The following SPNS2 variants were observed in gnomAD, a reference collection of about 807,000 sequenced individuals.
SPNS2 encodes SPNS lysolipid transporter 2, sphingosine-1-phosphate, also known as sphingosine-1-phosphate transporter SPNS2.
SPNS2 carries 37 observed loss-of-function variants against 57.6 expected under a neutral mutation model. The ratio of observed to expected loss-of-function variants is 0.64; its 90% CI spans 0.49 to 0.85. SPNS2 has a LOEUF of 0.85. Ranked by LOEUF, SPNS2 falls within the 40% of genes least tolerant of loss-of-function variation. The pLI is 0.00. For synonymous variants in SPNS2, 440 were observed against 346.9 expected (o/e 1.27, Z -2.98); for missense variants, 831 against 779.1 (o/e 1.07, Z -0.79).
In SPNS2 at chr17:4,533,445, G is replaced by A. The variant is rs761203946; in HGVS notation, c.1278+13G>A. 1 of 1,580,598 alleles carries A rather than the reference G, an allele frequency of 6.3e-7. No homozygotes were observed. The highest frequency in any genetic ancestry group is 1.1e-5 in the South Asian group (1 of 87,974). On this transcript the variant is annotated intron_variant, in intron 8 of 12. Coordinates refer to ENST00000329078, the MANE Select transcript of SPNS2 (RefSeq NM_001124758.3). Reference sequence around the variant, plus strand: ...CGTAGGAGCCTATGTGAGTGCAGCGGGGGTCAAGGGTGCTGGGGGAGCTGG... The same window carrying A: ...CGTAGGAGCCTATGTGAGTGCAGCGAGGGTCAAGGGTGCTGGGGGAGCTGG...
At chr17:4,537,237 TCTG>T (rs1905893246) in intron 12 of SPNS2, among the ~76,000 whole-genome samples, 1 of 152,212 alleles carries the variant, frequency 6.6e-6, no homozygotes, top group Admixed American at 6.5e-5. Flanking sequence ...TGTCCGGACT[TCTG>T]TTCTCCCAAA....
chr17:4,535,734 A>C (rs1264328836), intron 9 of SPNS2, among the ~76,000 whole-genome samples: 2 of 152,056 alleles, frequency 1.3e-5, no homozygotes, highest in African/African-American at 2.4e-5. Flanking sequence ...CTGGGGGCAC[A>C]GCAGGTTTGA....
chr17:4,524,698 A>G (rs1905221294), intron 2 of SPNS2, among the ~76,000 whole-genome samples: 1 of 152,260 alleles, frequency 6.6e-6, no homozygotes. Context: ...CAATAAAAAT[A>G]AAATTTTAAA....
At chr17:4,524,173 C>T (rs964873544) in intron 2 of SPNS2, among the ~76,000 whole-genome samples, 3 of 151,810 alleles carry the variant, frequency 2.0e-5, no homozygotes, top group Non-Finnish European at 4.4e-5. Flanking sequence ...TAGATCTCTT[C>T]CCCTCTCTGA....
rs553003340 is a variant in SPNS2 at position 4,499,873 on chromosome 17, C to T, written c.370+456C>T. On this transcript the variant is annotated intron_variant, in intron 1 of 12. Transcript: ENST00000329078. The surrounding 1 kb of genome is among the most constrained non-coding windows in gnomAD (Gnocchi z 5.2). ...TTCCTTTCTCCGCCGCCTCCACCCC[C>T]CTGCGTGCGTGCGGCGAGTGCGCGC... 5.3e-5 allele frequency among the ~76,000 whole-genome samples: 8 copies of T among 152,214 alleles called. No homozygotes were observed. Among genetic ancestry groups the T allele is most frequent in the African/African-American group, 1.7e-4 (7 of 41,464 alleles).
chr17:4,538,715 T>G lies in SPNS2; in HGVS notation c.*1267T>G. 1.6e-6 allele frequency: 1 copy of G among 634,240 alleles called. No individual in the cohort carries two copies. Among genetic ancestry groups the G allele is most frequent in the Non-Finnish European group, 2.8e-6 (1 of 356,856 alleles). 39.3% of individuals were successfully genotyped at this position (634,240 alleles called of 1,614,324 possible). On this transcript the variant is annotated 3_prime_UTR_variant, in exon 13 of 13. Coordinates refer to ENST00000329078, the MANE Select transcript of SPNS2 (RefSeq NM_001124758.3). ...AATGCTCTTCTTGCCCCTTAGTTAC[T>G]GGCTGGCTGTGGCTTCAGTGGTGTG... is the stretch of plus-strand genomic sequence containing the variant.
chr17:4,537,078 CTGAAGA>C (rs1412490426), intron 12 of SPNS2, 132 bp downstream of exon 12: 66 of 1,019,702 alleles, frequency 6.5e-5, no homozygotes, highest in Non-Finnish European at 8.5e-5. Flanking sequence ...GGCTTTGTCT[CTGAAGA>C]TGTTGCCAGA....
chr17:4,535,552 C>T (rs984178969), intron 9 of SPNS2, among the ~76,000 whole-genome samples: 8 of 152,180 alleles, frequency 5.3e-5, no homozygotes, highest in Admixed American at 1.3e-4. Context: ...GAGCAGGAGC[C>T]GCGCTGGAGA....
Position 4,519,062 on chromosome 17 carries a change from G to A in SPNS2, c.436+5750G>A, listed in dbSNP as rs77642201. 3.6e-3 allele frequency among the ~76,000 whole-genome samples: 541 copies of A among 152,352 alleles called. 5 individuals are homozygous for A. The highest frequency in any genetic ancestry group is 0.012 in the African/African-American group (496 of 41,582). On this transcript the variant is annotated intron_variant, in intron 2 of 12. Coordinates refer to ENST00000329078, the MANE Select transcript of SPNS2 (RefSeq NM_001124758.3). ...TCCGTCAGCTTGGCCAGCCCAGGCC[G>A]TCCCTTGGATGGCAGAGCCTGGCCC...
At chr17:4,507,037 T>C (rs1220588092) in intron 1 of SPNS2, among the ~76,000 whole-genome samples, 1 of 152,192 alleles carries the variant, frequency 6.6e-6, no homozygotes, top group Non-Finnish European at 1.5e-5. Context: ...TCCAGAGCAC[T>C]GGCTCAGGGA....
In SPNS2 at chr17:4,533,330, C is replaced by A; in HGVS notation, c.1176C>A (p.Thr392=). 1 of 1,611,966 alleles carries A rather than the reference C, an allele frequency of 6.2e-7. No individual in the cohort carries two copies. Among genetic ancestry groups the A allele is most frequent in the Non-Finnish European group, 8.5e-7 (1 of 1,179,652 alleles). The part of the protein sequence containing the change: ...AGATRWCRLK[T]QRADPLVCAV... Reference sequence around the variant, plus strand: ...CCACGCGCTGGTGCCGCCTGAAGACCCAGCGGGCCGACCCACTGGTGTGTG... The same window carrying A: ...CCACGCGCTGGTGCCGCCTGAAGACACAGCGGGCCGACCCACTGGTGTGTG... The change falls in exon 8 of 13, where the codon ACC becomes ACA. Residue 392 remains threonine, a synonymous_variant. Coordinates refer to ENST00000329078, the MANE Select transcript of SPNS2 (RefSeq NM_001124758.3).
At chr17:4,532,390 T>C in intron 5 of SPNS2, 152 bp from the exon 6 acceptor site, 1 of 1,174,756 alleles carries the variant, frequency 8.5e-7, no homozygotes, top group African/African-American at 1.5e-5. Flanking sequence ...CCCCAGCTTT[T>C]CTCAGCAGCC....
intron 5 of SPNS2, 137 bp downstream of exon 5, chr17:4,531,256 C>T: frequency 1.3e-6 from 1 of 777,048 alleles, no homozygotes; most frequent in Non-Finnish European, 2.1e-6. Flanking sequence ...AAATCCCTGC[C>T]CTTCCAGATT....
intron 8 of SPNS2, 66 bp downstream of exon 8, chr17:4,533,498 G>A: frequency 6.8e-7 from 1 of 1,479,082 alleles, no homozygotes. Context: ...GTCTGGAACA[G>A]GACATTCGGT....
intron 1 of SPNS2, among the ~76,000 whole-genome samples, chr17:4,502,616 A>C (rs569133165): frequency 6.6e-6 from 1 of 151,916 alleles, no homozygotes; most frequent in African/African-American, 2.4e-5. Context: ...TGAAGACATC[A>C]CCTGAGCCTT....
In SPNS2 at chr17:4,510,018, C is replaced by T. The variant is rs368373093; in HGVS notation, c.371-3229C>T. On this transcript the variant is annotated intron_variant, in intron 1 of 12. Coordinates refer to ENST00000329078, the MANE Select transcript of SPNS2 (RefSeq NM_001124758.3). The surrounding 1 kb of genome is among the most constrained non-coding windows in gnomAD (Gnocchi z 4.4). Reference sequence around the variant, plus strand: ...GGCTGTGGTGAAGAAGGGAGGGGTGCGTGGGCCTGAGCCGTGCTGGAGCCC... The same window carrying T: ...GGCTGTGGTGAAGAAGGGAGGGGTGTGTGGGCCTGAGCCGTGCTGGAGCCC... Among the ~76,000 whole-genome samples, 2 of 152,232 alleles carry T rather than the reference C, an allele frequency of 1.3e-5. No homozygotes were observed. Among genetic ancestry groups the T allele is most frequent in the African/African-American group, 4.8e-5 (2 of 41,460 alleles).
chr17:4,518,409 G>GCTACT (rs1905051626), intron 2 of SPNS2, among the ~76,000 whole-genome samples: 1 of 152,186 alleles, frequency 6.6e-6, no homozygotes, highest in Non-Finnish European at 1.5e-5. Flanking sequence ...CTGTAATCCC[G>GCTACT]CTACTCGGGA....
chr17:4,531,235 C>T (rs1053549572), intron 5 of SPNS2, 116 bp downstream of exon 5: 27 of 919,520 alleles, frequency 2.9e-5, no homozygotes, highest in Non-Finnish European at 3.4e-5. Flanking sequence ...CCCCTGGCTG[C>T]GTGGACTCTG....
chr17:4,530,001 C>G (rs568842954), intron 3 of SPNS2, among the ~76,000 whole-genome samples: 2 of 152,132 alleles, frequency 1.3e-5, no homozygotes, highest in Non-Finnish European at 2.9e-5. Context: ...TCTCAGGCCC[C>G]GGGCAGCTGG....
Sources: allele counts gnomAD v4.1 joint callset (sites outside exome capture counted in the v4.1 genomes callset), GRCh38; gene constraint gnomAD v4.1.1; non-coding constraint Gnocchi (gnomAD v3.1); transcripts MANE v1.5; gene names NCBI Gene and HGNC (gene_info 2026-07-23, HGNC 2026-07-21).